AK8: variants seen among roughly 807,000 people sequenced by gnomAD.
AK8 encodes the protein adenylate kinase 8, also known as ATP-AMP transphosphorylase 8.
AK8 carries 44 observed loss-of-function variants against 54.6 expected under a neutral mutation model. The observed-to-expected ratio is 0.81, with a 90% confidence interval of 0.63 to 1.04. The LOEUF is 1.04. Ranked by LOEUF, AK8 falls within the 50% of genes least tolerant of loss-of-function variation. The pLI, the probability that AK8 is intolerant of heterozygous loss-of-function variation, is 0.00. For missense variants in AK8, 555 were observed against 613.6 expected (o/e 0.90, Z 1.01); for synonymous variants, 239 against 245.6 (o/e 0.97, Z 0.25).
intron 4 of AK8, among the ~76,000 whole-genome samples, chr9:132,856,229 G>A (rs1247419611): frequency 2.6e-5 from 4 of 152,204 alleles, no homozygotes; most frequent in Admixed American, 6.5e-5. Flanking sequence ...TCCTTGCTGG[G>A]GGCGGGGGCC....
rs61495439 is a variant in AK8 at position 132,765,292 on chromosome 9, CAAAAA to C, written c.1121+27337_1121+27341del. The stretch of plus-strand genomic sequence containing the variant: ...TGGGCAACAGAGCGAGACTCCATTT[CAAAAA>C]AAAAAAAAAAAAAAAAAGAGAATTC... On this transcript the variant is annotated intron_variant, in intron 11 of 12. Coordinates refer to ENST00000298545, the MANE Select transcript of AK8 (RefSeq NM_152572.3). Among the ~76,000 whole-genome samples the C allele has an allele frequency of 6.5e-3, 408 of 62,792 alleles. 6 individuals are homozygous for C. The highest frequency in any genetic ancestry group is 0.025 in the African/African-American group (372 of 15,004). The allele number at this position is 62,792 out of a possible 152,430, so 41.2% of individuals were successfully genotyped here. A position where few individuals can be genotyped will look rare whatever the true frequency, so the allele number is the denominator to read the frequency against.
At chr9:132,814,278 C>CAAAAAA (rs71376658) in intron 10 of AK8, among the ~76,000 whole-genome samples, 6 of 63,896 alleles carry the variant, frequency 9.4e-5, no homozygotes, top group Admixed American at 2.0e-4. Context: ...TACCCTGTCT[C>CAAAAAA]AAAAAAAAAA....
In AK8 at chr9:132,827,997, G is replaced by C. The variant is rs1173495132; in HGVS notation, c.556+16C>G. On this transcript the variant is annotated intron_variant, in intron 7 of 12. Coordinates refer to ENST00000298545, the MANE Select transcript of AK8 (RefSeq NM_152572.3). ...TGAAACCCCATGGGGCTGGGTGGGGGTGGCCGTAGCCATACCTCCAGTTTG... is the reference window on the plus strand; with the variant it reads ...TGAAACCCCATGGGGCTGGGTGGGGCTGGCCGTAGCCATACCTCCAGTTTG... 6.4e-7 allele frequency: 1 copy of C among 1,556,384 alleles called. No homozygotes were observed. Among genetic ancestry groups the C allele is most frequent in the Admixed American group, 1.9e-5 (1 of 51,642 alleles).
At chr9:132,813,445 G>T (rs992102823) in intron 10 of AK8, among the ~76,000 whole-genome samples, 2 of 152,212 alleles carry the variant, frequency 1.3e-5, no homozygotes, top group Non-Finnish European at 2.9e-5. Flanking sequence ...CTTCCACCAG[G>T]AGGATTCCTA....
intron 5 of AK8, among the ~76,000 whole-genome samples, chr9:132,835,032 G>A (rs1842263514): frequency 6.6e-6 from 1 of 152,114 alleles, no homozygotes; most frequent in African/African-American, 2.4e-5. Flanking sequence ...ACTACGCCCA[G>A]CTAATGTTTT....
chr9:132,815,507 C>A, intron 9 of AK8, among the ~76,000 whole-genome samples: 1 of 151,806 alleles, frequency 6.6e-6, no homozygotes, highest in East Asian at 1.9e-4. Context: ...GAGCCAAGAT[C>A]GCGTCACTGC....
chr9:132,785,957 T>C (rs1839686798), intron 11 of AK8, among the ~76,000 whole-genome samples: 3 of 152,148 alleles, frequency 2.0e-5, no homozygotes, highest in Admixed American at 1.3e-4. Context: ...AGAAAAACGA[T>C]AGGAAAGGCA....
chr9:132,726,937 A>G (rs1353210823), intron 12 of AK8, among the ~76,000 whole-genome samples: 1 of 138,066 alleles, frequency 7.2e-6, no homozygotes, highest in East Asian at 2.2e-4. Context: ...GTCAGGAGAG[A>G]TGACAACACC....
At position 132,875,176 on chromosome 9, in the gene AK8, G is replaced by C. The variant is rs752945578; in HGVS notation, c.108C>G (p.Ile36Met). The change falls in exon 2 of 13, where the codon ATC becomes ATG. Residue 36 changes from isoleucine (I) to methionine (M), a missense_variant. Ile to Met is a conservative substitution (Grantham distance 10, BLOSUM62 1). Transcript: ENST00000298545. ...LMQNMLEQLL[I>M]HQPEDPIPFM... The stretch of plus-strand genomic sequence containing the variant: ...AGGGGATGGGATCTTCGGGCTGGTG[G>C]ATCAGGAGTTGCTCCAGCATGTTCT... 12 of 1,614,066 alleles carry C rather than the reference G, an allele frequency of 7.4e-6. No homozygotes were observed. Among genetic ancestry groups the C allele is most frequent in the Non-Finnish European group, 9.3e-6 (11 of 1,180,032 alleles).
rs143012483 is a variant in AK8, at chr9:132,857,057, G to C, written c.334-2132C>G. 5.5e-3 allele frequency among the ~76,000 whole-genome samples: 834 copies of C among 152,262 alleles called. 12 individuals are homozygous for C. Among genetic ancestry groups the C allele is most frequent in the African/African-American group, 0.018 (764 of 41,538 alleles). On this transcript the variant is annotated intron_variant, in intron 4 of 12. Coordinates refer to ENST00000298545, the MANE Select transcript of AK8 (RefSeq NM_152572.3). ...TGCACAGAGGAAAAAGGAGACCAGA[G>C]AGGCAAGAAGGAGGCGAGCCAGCAT...
At chr9:132,833,979 T>C (rs1842214915) in intron 5 of AK8, among the ~76,000 whole-genome samples, 1 of 152,236 alleles carries the variant, frequency 6.6e-6, no homozygotes, top group Non-Finnish European at 1.5e-5. Context: ...CCTGGGTGTT[T>C]TCCCCAGTCC....
chr9:132,763,291 T>C (rs1465121644), intron 11 of AK8, among the ~76,000 whole-genome samples: 1 of 152,164 alleles, frequency 6.6e-6, no homozygotes, highest in Non-Finnish European at 1.5e-5. Context: ...TAGAAATCAA[T>C]AACAAGAGGA....
intron 11 of AK8, among the ~76,000 whole-genome samples, chr9:132,766,534 G>A (rs1232936036): frequency 6.6e-6 from 1 of 152,172 alleles, no homozygotes; most frequent in Non-Finnish European, 1.5e-5. Context: ...CATGTTCATG[G>A]ATTGGAAGAA....
At chr9:132,873,820 A>T (rs1254868148) in intron 2 of AK8, among the ~76,000 whole-genome samples, 1 of 152,096 alleles carries the variant, frequency 6.6e-6, no homozygotes, top group Non-Finnish European at 1.5e-5. Flanking sequence ...AGCAGTAAGG[A>T]CCACTCAGGA....
intron 11 of AK8, among the ~76,000 whole-genome samples, chr9:132,771,411 C>T (rs574556889): frequency 5.3e-5 from 8 of 152,290 alleles, no homozygotes; most frequent in South Asian, 2.1e-4. Context: ...GATGTTTTTA[C>T]GAGATTCTGT....
At chr9:132,776,354 G>C (rs1361233651) in intron 11 of AK8, among the ~76,000 whole-genome samples, 2 of 152,210 alleles carry the variant, frequency 1.3e-5, no homozygotes, top group Non-Finnish European at 2.9e-5. Context: ...GGAGCACCCT[G>C]CAGGCCTGGG....
At chr9:132,794,912 T>C (rs1189653004) in intron 10 of AK8, among the ~76,000 whole-genome samples, 1 of 152,122 alleles carries the variant, frequency 6.6e-6, no homozygotes, top group Non-Finnish European at 1.5e-5. Context: ...AGAGGACCTG[T>C]TGTGACCGGC....
chr9:132,828,805 G>T, intron 5 of AK8, 79 bp from the exon 6 acceptor site: 1 of 1,144,502 alleles, frequency 8.7e-7, no homozygotes, highest in Non-Finnish European at 1.2e-6. Flanking sequence ...GAATATAATA[G>T]CTTTATAGAA....
chr9:132,752,496 G>A (rs757033479), intron 11 of AK8, among the ~76,000 whole-genome samples: 2 of 152,094 alleles, frequency 1.3e-5, no homozygotes, highest in East Asian at 1.9e-4. Flanking sequence ...TGATCTGCCC[G>A]CCTCAGCCTC....
Sources: gnomAD v4.1 joint callset for allele counts (sites outside exome capture counted in the v4.1 genomes callset) on GRCh38, gnomAD v4.1.1 for gene constraint, MANE v1.5 for transcripts, NCBI Gene and HGNC (gene_info 2026-07-23, HGNC 2026-07-21) for gene names.